GGNBP2: variants seen among roughly 807,000 people sequenced by gnomAD.
The protein encoded by GGNBP2 is gametogenetin binding protein 2, also known as gametogenetin-binding protein 2.
A neutral mutation model predicts 85.9 loss-of-function variants in GGNBP2; 10 were observed. The ratio of observed to expected loss-of-function variants is 0.12; its 90% confidence interval spans 0.07 to 0.20. The LOEUF (loss-of-function observed/expected upper bound fraction) is 0.20. Among genes scored for constraint, GGNBP2 ranks in the 10% least tolerant of loss-of-function variants. The pLI is 1.00. For synonymous variants in GGNBP2, 287 were observed against 285.7 expected (o/e 1.00, Z -0.05); for missense variants, 595 against 857.8 (o/e 0.69, Z 3.83).
chr17:36,562,084 G>A (rs971491379), intron 5 of GGNBP2, among the ~76,000 whole-genome samples: 8 of 152,228 alleles, frequency 5.3e-5, no homozygotes, highest in Non-Finnish European at 1.2e-4. Flanking sequence ...GCGAAGCCAT[G>A]GAGTGTGAAG....
Position 36,586,149 on chromosome 17 carries a change from A to G in GGNBP2, c.1592A>G (p.Lys531Arg). The G allele has an allele frequency of 6.2e-7, 1 of 1,614,022 alleles. No homozygotes were observed. Among genetic ancestry groups the G allele is most frequent in the Non-Finnish European group, 8.5e-7 (1 of 1,179,984 alleles). Residue 531 changes from lysine to arginine, a missense_variant, in exon 12 of 14, where the codon AAA becomes AGA. Around this residue, in one of 9 missense-constraint regions of GGNBP2, gnomAD observed 9 missense variants for 29.8 expected, o/e 0.30. Coordinates refer to ENST00000613102, the MANE Select transcript of GGNBP2 (RefSeq NM_024835.5). ...ANSEENDTKG[K>R]NKKKKKKSKI... ...TCTGAAGAGAACGACACAAAAGGAA[A>G]AAATAAAAAGAAGAAGAAGAAAAGC...
chr17:36,549,622 G>A (rs2074289648), intron 2 of GGNBP2, among the ~76,000 whole-genome samples: 1 of 150,002 alleles, frequency 6.7e-6, no homozygotes, highest in Non-Finnish European at 1.5e-5. Context: ...CACAGATACA[G>A]TTAATATATT....
At chr17:36,579,210 T>C (rs1215991030) in intron 7 of GGNBP2, 35 bp from the exon 8 acceptor site, 1 of 1,551,030 alleles carries the variant, frequency 6.4e-7, no homozygotes, top group Non-Finnish European at 8.9e-7. Context: ...CTGTTTCAGT[T>C]AAAGGTATTA....
intron 8 of GGNBP2, among the ~76,000 whole-genome samples, chr17:36,580,400 A>G (rs1304464847): frequency 1.3e-5 from 2 of 151,220 alleles, no homozygotes; most frequent in Non-Finnish European, 2.9e-5. Flanking sequence ...TAGTAGAGAC[A>G]GGGTTTCACC....
chr17:36,575,648 A>ATATTTTTTTT (rs374366757), intron 6 of GGNBP2, among the ~76,000 whole-genome samples: 2 of 54,914 alleles, frequency 3.6e-5, no homozygotes, highest in South Asian at 8.3e-4. Context: ...ATATATATAT[A>ATATTTTTTTT]TTTTTTTTTT....
intron 2 of GGNBP2, among the ~76,000 whole-genome samples, chr17:36,549,501 C>T (rs535755884): frequency 2.8e-4 from 43 of 152,200 alleles, no homozygotes; most frequent in African/African-American, 7.0e-4. Context: ...CCACCACACC[C>T]GGCCAAAATA....
In GGNBP2 at chr17:36,567,339, A is replaced by G. The variant is rs115812192; in HGVS notation, c.528-324A>G. ...GTATGTAATCATATAATTTGTAAAC[A>G]TGTTCTAATATCTTAATCATTAAAG... is the stretch of plus-strand genomic sequence containing the variant. On this transcript the variant is annotated intron_variant, in intron 5 of 13. Coordinates refer to ENST00000613102, the MANE Select transcript of GGNBP2 (RefSeq NM_024835.5). 5.2e-3 allele frequency among the ~76,000 whole-genome samples: 786 copies of G among 152,324 alleles called. 14 individuals are homozygous for G. Among genetic ancestry groups the G allele is most frequent in the East Asian group, 0.025 (132 of 5,182 alleles).
intron 4 of GGNBP2, among the ~76,000 whole-genome samples, chr17:36,558,254 A>C (rs1239389377): frequency 6.6e-6 from 1 of 150,944 alleles, no homozygotes; most frequent in African/African-American, 2.4e-5. Context: ...TCTCTACTAA[A>C]AATACAAAAA....
At chr17:36,551,253 C>T (rs1360871024) in intron 2 of GGNBP2, among the ~76,000 whole-genome samples, 1 of 150,880 alleles carries the variant, frequency 6.6e-6, no homozygotes, top group East Asian at 1.9e-4. Flanking sequence ...GTCGCTCAAG[C>T]TGGCGTGCAA....
At chr17:36,551,229 C>G (rs1258963795) in intron 2 of GGNBP2, among the ~76,000 whole-genome samples, 1 of 149,756 alleles carries the variant, frequency 6.7e-6, no homozygotes, top group Non-Finnish European at 1.5e-5. Flanking sequence ...TTTTTGAGAC[C>G]GAGTTTTGCT....
intron 9 of GGNBP2, among the ~76,000 whole-genome samples, chr17:36,583,558 A>C (rs1167293885): frequency 6.6e-6 from 1 of 151,684 alleles, no homozygotes; most frequent in Non-Finnish European, 1.5e-5. Context: ...TCCTGGGTTC[A>C]AGCGATTTTT....
At position 36,586,043 on chromosome 17, in the gene GGNBP2, T is replaced by A. The variant is rs770039600; in HGVS notation, c.1493-7T>A. ...ACATAAATAAGAAGGATTATTGATT[T>A]CTGCAGGTGATGACTCTTGTGTTCA... On this transcript the variant is annotated splice_region_variant and splice_polypyrimidine_tract_variant and intron_variant, in intron 11 of 13. Transcript: ENST00000613102. The A allele has an allele frequency of 6.8e-6, 11 of 1,613,698 alleles. No individual in the cohort carries two copies. The highest frequency in any genetic ancestry group is 9.3e-6 in the Non-Finnish European group (11 of 1,179,774).
intron 3 of GGNBP2, among the ~76,000 whole-genome samples, chr17:36,556,261 G>A (rs2074360083): frequency 6.6e-6 from 1 of 152,178 alleles, no homozygotes; most frequent in Non-Finnish European, 1.5e-5. Context: ...AAGGAAGATA[G>A]GCCATGTTTT....
intron 2 of GGNBP2, among the ~76,000 whole-genome samples, chr17:36,554,568 T>C (rs143039835): frequency 0.01 from 1,542 of 151,890 alleles, 20 homozygotes; most frequent in African/African-American, 0.035. Flanking sequence ...GGTTTCTCCA[T>C]GTTGGTCAGG....
intron 6 of GGNBP2, among the ~76,000 whole-genome samples, chr17:36,571,173 CTA>C (rs1555606740): frequency 6.6e-6 from 1 of 152,164 alleles, no homozygotes; most frequent in African/African-American, 2.4e-5. Context: ...TGGCTCAAGC[CTA>C]TAATTCCAAC....
At chr17:36,546,644 G>A (rs767383380) in intron 2 of GGNBP2, 3 of 152,164 alleles carry the variant, frequency 2.0e-5, no homozygotes, top group Non-Finnish European at 4.4e-5. Context: ...AATCTGAACA[G>A]GAAATGAGTG....
chr17:36,562,953 C>CAAAAA (rs34799358), intron 5 of GGNBP2, among the ~76,000 whole-genome samples: 7 of 40,542 alleles, frequency 1.7e-4, no homozygotes, highest in Non-Finnish European at 2.0e-4. Flanking sequence ...GACTCTGTCT[C>CAAAAA]AAAAAAAAAA....
chr17:36,561,135 T>A (rs1180054563), intron 5 of GGNBP2, among the ~76,000 whole-genome samples: 1 of 151,992 alleles, frequency 6.6e-6, no homozygotes, highest in Non-Finnish European at 1.5e-5. Flanking sequence ...TTTTTTTTTC[T>A]TTTTTTGAGA....
intron 5 of GGNBP2, 29 bp from the exon 6 acceptor site, chr17:36,567,634 C>T (rs776334225): frequency 1.0e-5 from 12 of 1,181,514 alleles, no homozygotes; most frequent in Non-Finnish European, 1.4e-5. Flanking sequence ...TGTATTCTCC[C>T]TTTTCACTAA....
Sources: gnomAD v4.1 joint callset for allele counts (sites outside exome capture counted in the v4.1 genomes callset) on GRCh38, gnomAD v4.1.1 for gene constraint, gnomAD v4.1.1 regional missense constraint, MANE v1.5 for transcripts, NCBI Gene and HGNC (gene_info 2026-07-23, HGNC 2026-07-21) for gene names.